Variants in CWC27 observed in about 807,000 individuals in gnomAD.
The protein encoded by CWC27 is CWC27 spliceosome associated cyclophilin.
A neutral mutation model predicts 63.6 loss-of-function variants in CWC27; 47 were observed. The observed-to-expected ratio is 0.74, with a 90% CI of 0.58 to 0.94. CWC27 has a LOEUF of 0.94. CWC27 is among the 40% of genes least tolerant of loss of function. The pLI is 0.00. For missense variants in CWC27, 495 were observed against 554.3 expected (o/e 0.89, Z 1.07); for synonymous variants, 175 against 179.8 (o/e 0.97, Z 0.22).
intron 11 of CWC27, among the ~76,000 whole-genome samples, chr5:64,957,556 C>G (rs1433604): frequency 0.065 from 9,864 of 152,148 alleles, 820 homozygotes; most frequent in African/African-American, 0.19. Flanking sequence ...GCTGGAGCCC[C>G]CAAAAGAAAA....
intron 10 of CWC27, chr5:64,807,900 C>T: frequency 6.9e-7 from 1 of 1,446,202 alleles, no homozygotes. Flanking sequence ...TCCCTACCTC[C>T]TTCCTATTTA....
chr5:64,998,311 C>T (rs904777400), intron 13 of CWC27, among the ~76,000 whole-genome samples: 54 of 152,036 alleles, frequency 3.6e-4, no homozygotes, highest in Non-Finnish European at 8.8e-5. Flanking sequence ...AGTCTACTGG[C>T]TGTAGGTTAA....
At chr5:64,890,575 T>G (rs1229630965) in intron 11 of CWC27, among the ~76,000 whole-genome samples, 1 of 152,078 alleles carries the variant, frequency 6.6e-6, no homozygotes, top group Non-Finnish European at 1.5e-5. Flanking sequence ...AACCCAGAAG[T>G]ATCAGACCTA....
intron 10 of CWC27, among the ~76,000 whole-genome samples, chr5:64,831,475 G>GAGATAGAT (rs3075244): frequency 0.13 from 19,502 of 148,168 alleles, 1,338 homozygotes; most frequent in Middle Eastern, 0.17. Context: ...TTATTTATTT[G>GAGATAGAT]AGATAGATAG....
intron 11 of CWC27, among the ~76,000 whole-genome samples, chr5:64,928,849 C>A (rs891962860): frequency 2.0e-5 from 3 of 151,658 alleles, no homozygotes; most frequent in African/African-American, 7.3e-5. Flanking sequence ...AAGTTTGTTT[C>A]AAATAAGTAA....
intron 10 of CWC27, among the ~76,000 whole-genome samples, chr5:64,834,166 GA>G (rs76979744): frequency 6.7e-6 from 1 of 148,844 alleles, no homozygotes; most frequent in African/African-American, 2.5e-5. Context: ...ACCAAATTAA[GA>G]AAAAAAACTT....
At chr5:64,954,341 T>G (rs144620902) in intron 11 of CWC27, among the ~76,000 whole-genome samples, 1 of 152,222 alleles carries the variant, frequency 6.6e-6, no homozygotes, top group Non-Finnish European at 1.5e-5. Context: ...CAGGCTAGAG[T>G]GCAGTAGCAC....
Position 64,774,779 on chromosome 5 carries a change from G to A in CWC27, c.131G>A (p.Cys44Tyr). 1 of 1,552,210 alleles carries A rather than the reference G, an allele frequency of 6.4e-7. No homozygotes were observed. Among genetic ancestry groups the A allele is most frequent in the Non-Finnish European group, 8.7e-7 (1 of 1,147,282 alleles). The change falls in exon 2 of 14, where the codon TGT becomes TAT. Residue 44 changes from cysteine (C) to tyrosine (Y), a missense_variant. Transcript: ENST00000381070. ...PKACRNFIQL[C>Y]LEAYYDNTIF... ...GCTTGCAGAAATTTTATCCAACTTTGTTTGGAAGGTATGTTGACTTTTATT... is the reference window on the plus strand; with the variant it reads ...GCTTGCAGAAATTTTATCCAACTTTATTTGGAAGGTATGTTGACTTTTATT...
At chr5:64,770,918 A>G (rs1743229239) in intron 1 of CWC27, among the ~76,000 whole-genome samples, 1 of 152,246 alleles carries the variant, frequency 6.6e-6, no homozygotes. Flanking sequence ...TTCATTCAAC[A>G]AATAATGATT....
At chr5:64,838,461 T>G (rs1473703896) in intron 10 of CWC27, among the ~76,000 whole-genome samples, 3 of 152,172 alleles carry the variant, frequency 2.0e-5, no homozygotes, top group Non-Finnish European at 4.4e-5. Context: ...ACTGCCCTTT[T>G]TAAGTCACTA....
intron 11 of CWC27, among the ~76,000 whole-genome samples, chr5:64,918,665 A>G (rs576700832): frequency 1.9e-4 from 29 of 152,364 alleles, no homozygotes; most frequent in Non-Finnish European, 3.7e-4. Context: ...AAAAATTAAA[A>G]TAAGACCAGT....
At chr5:64,837,579 T>C (rs1047516382) in intron 10 of CWC27, among the ~76,000 whole-genome samples, 90 of 152,038 alleles carry the variant, frequency 5.9e-4, no homozygotes, top group African/African-American at 2.1e-3. Flanking sequence ...ATTAGTCTTA[T>C]CTCTTTTAAA....
At chr5:64,794,734 T>C (rs1744203290) in intron 7 of CWC27, among the ~76,000 whole-genome samples, 1 of 152,188 alleles carries the variant, frequency 6.6e-6, no homozygotes, top group Non-Finnish European at 1.5e-5. Flanking sequence ...TTATCTGGAA[T>C]ATTGCTCCCT....
chr5:64,843,560 C>G (rs1373176899), intron 10 of CWC27, among the ~76,000 whole-genome samples: 5 of 152,052 alleles, frequency 3.3e-5, no homozygotes, highest in African/African-American at 2.4e-5. Flanking sequence ...AATCAGTCCA[C>G]TTTTTATCCT....
intron 10 of CWC27, among the ~76,000 whole-genome samples, chr5:64,878,110 G>A (rs971341933): frequency 6.6e-6 from 1 of 151,824 alleles, no homozygotes; most frequent in African/African-American, 2.4e-5. Context: ...TTTCTGTGAT[G>A]ATGAAACTGA....
At chr5:64,875,086 CT>C (rs533461306) in intron 10 of CWC27, among the ~76,000 whole-genome samples, 24,895 of 151,656 alleles carry the variant, frequency 0.16, 2,322 homozygotes, top group East Asian at 0.37. Context: ...GCAATATCAC[CT>C]ACTGATATTA....
chr5:64,999,381 A>T (rs1231592597), intron 13 of CWC27, among the ~76,000 whole-genome samples: 1 of 152,030 alleles, frequency 6.6e-6, no homozygotes, highest in East Asian at 1.9e-4. Context: ...CTATTTTAAA[A>T]TATACAATAA....
At chr5:65,004,401 T>TG (rs148329709) in intron 13 of CWC27, among the ~76,000 whole-genome samples, 29,834 of 111,622 alleles carry the variant, frequency 0.27, 4,447 homozygotes, top group East Asian at 0.41. Context: ...TTTTTTTTGG[T>TG]GGGGGGGTGG....
At chr5:64,871,531 T>C (rs994030190) in intron 10 of CWC27, among the ~76,000 whole-genome samples, 2 of 152,058 alleles carry the variant, frequency 1.3e-5, no homozygotes, top group Non-Finnish European at 2.9e-5. Context: ...TGGGAATGCA[T>C]GCAAAAAGTG....
Sources: gnomAD v4.1 joint callset for allele counts (sites outside exome capture counted in the v4.1 genomes callset) on GRCh38, gnomAD v4.1.1 for gene constraint, MANE v1.5 for transcripts, NCBI Gene and HGNC (gene_info 2026-07-23, HGNC 2026-07-21) for gene names.